Variants in RBBP4 observed in about 807,000 individuals in gnomAD.
The protein encoded by RBBP4 is RB binding protein 4, chromatin remodeling factor, also known as histone-binding protein RBBP4.
Under a neutral mutation model 57.2 loss-of-function variants are expected in RBBP4, and 3 were observed. The ratio of observed to expected loss-of-function variants is 0.05; its 90% CI spans 0.02 to 0.14. The LOEUF (loss-of-function observed/expected upper bound fraction) is 0.14, where lower values mean the gene tolerates loss of function less well. Among genes scored for constraint, RBBP4 ranks in the 10% least tolerant of loss-of-function variants. RBBP4 has a pLI of 1.00. For synonymous variants in RBBP4, 151 were observed against 171.5 expected (o/e 0.88, Z 0.93); for missense variants, 107 against 520.6 (o/e 0.21, Z 7.73).
chr1:32,669,671 A>G lies in RBBP4; in HGVS notation c.966+108A>G, dbSNP rs745583595. On this transcript the variant is annotated intron_variant, in intron 8 of 11. Coordinates refer to ENST00000373493, the MANE Select transcript of RBBP4 (RefSeq NM_005610.3). The surrounding 1 kb of genome is among the most constrained non-coding windows in gnomAD (Gnocchi z 4.9). The stretch of plus-strand genomic sequence containing the variant: ...TTTGGGAGGCTGAAGCGGGCGGATC[A>G]CAAGGTCAGGAGATCGAGACCATCC... 1 of 1,438,094 alleles carries G rather than the reference A, an allele frequency of 7.0e-7. No individual in the cohort carries two copies. The highest frequency in any genetic ancestry group is 2.7e-5 in the Admixed American group (1 of 37,140). 89.1% of individuals were successfully genotyped at this position (1,438,094 alleles called of 1,614,324 possible).
At chr1:32,658,946 CAT>C (rs58798267) in intron 3 of RBBP4, among the ~76,000 whole-genome samples, 128,062 of 148,438 alleles carry the variant, frequency 0.86, 56,706 homozygotes, top group Non-Finnish European at 0.96. Flanking sequence ...TATATATAAA[CAT>C]ACGTATATAT....
intron 11 of RBBP4, among the ~76,000 whole-genome samples, chr1:32,673,249 T>C (rs1570866188): frequency 6.6e-6 from 1 of 152,192 alleles, no homozygotes; most frequent in Non-Finnish European, 1.5e-5. Flanking sequence ...TCTAGTTCAC[T>C]TCCAGATTTC....
In RBBP4 at chr1:32,654,887, G is replaced by C. The variant is rs185093334; in HGVS notation, c.165-2540G>C. On this transcript the variant is annotated intron_variant, in intron 2 of 11. Transcript: ENST00000373493. Reference sequence around the variant, plus strand: ...TTTTTGTATTTTTAGTAGAGATGGGGTTTCACCATGTTGTCCAGGCTGGTC... The same window carrying C: ...TTTTTGTATTTTTAGTAGAGATGGGCTTTCACCATGTTGTCCAGGCTGGTC... 2.5e-3 allele frequency among the ~76,000 whole-genome samples: 384 copies of C among 152,216 alleles called. 2 individuals carry two copies. The Middle Eastern group carries it at 0.027, about 11-fold the overall frequency.
chr1:32,668,073 G>T, intron 3 of RBBP4, 152 bp from the exon 4 acceptor site: 2 of 651,194 alleles, frequency 3.1e-6, no homozygotes, highest in South Asian at 5.1e-5. Context: ...GGGTAGGAAA[G>T]CACTTTATAG....
chr1:32,651,703 T>C, intron 1 of RBBP4: 1 of 777,384 alleles, frequency 1.3e-6, no homozygotes, highest in Non-Finnish European at 2.0e-6. Context: ...GCTGGCCCCT[T>C]GGCCTGGAAC....
chr1:32,670,500 T>C (rs1272370648), intron 8 of RBBP4, among the ~76,000 whole-genome samples: 2 of 152,216 alleles, frequency 1.3e-5, no homozygotes, highest in East Asian at 3.8e-4. Context: ...GTTCAAAGCT[T>C]GTTGCTACGG....
chr1:32,673,967 G>A (rs1376235382), intron 11 of RBBP4, among the ~76,000 whole-genome samples: 1 of 152,032 alleles, frequency 6.6e-6, no homozygotes, highest in East Asian at 2.0e-4. Flanking sequence ...CGGGCGTGGT[G>A]GCGGGCGCCT....
At chr1:32,654,780 G>A (rs554474987) in intron 2 of RBBP4, among the ~76,000 whole-genome samples, 1 of 152,144 alleles carries the variant, frequency 6.6e-6, no homozygotes, top group Non-Finnish European at 1.5e-5. Flanking sequence ...TGCAACCTCC[G>A]CCTCCTGGGT....
chr1:32,661,051 C>G (rs932054006), intron 3 of RBBP4, among the ~76,000 whole-genome samples: 21 of 152,152 alleles, frequency 1.4e-4, no homozygotes, highest in African/African-American at 4.8e-4. Context: ...TGGGCTCTTG[C>G]AATTCACCCA....
chr1:32,652,648 C>G (rs1647882158), intron 2 of RBBP4: 1 of 152,400 alleles, frequency 6.6e-6, no homozygotes, highest in Non-Finnish European at 1.5e-5. Flanking sequence ...TCGAGCGATT[C>G]TCCTGCCTAA....
rs570713496 is a variant in RBBP4, at chr1:32,651,409, C to G, written c.16+87C>G. 4.1e-5 allele frequency: 56 copies of G among 1,382,550 alleles called. No homozygotes were observed. The South Asian group carries it at 6.6e-4, about 16-fold the overall frequency. 85.6% of individuals were successfully genotyped at this position (1,382,550 alleles called of 1,614,324 possible). ...CATGGCCTAACAGTGAGGGCAGGCCCGAGTTTGCCGAGTGCAGTCCCCGGT... is the reference window on the plus strand; with the variant it reads ...CATGGCCTAACAGTGAGGGCAGGCCGGAGTTTGCCGAGTGCAGTCCCCGGT... On this transcript the variant is annotated intron_variant, in intron 1 of 11. Transcript: ENST00000373493.
chr1:32,672,992 C>T, intron 11 of RBBP4, 91 bp downstream of exon 11: 1 of 1,062,062 alleles, frequency 9.4e-7, no homozygotes, highest in South Asian at 1.5e-5. Context: ...CAGCTACCAT[C>T]TCTGTTCATT....
At chr1:32,659,110 A>G (rs1417173946) in intron 3 of RBBP4, among the ~76,000 whole-genome samples, 1 of 147,580 alleles carries the variant, frequency 6.8e-6, no homozygotes, top group East Asian at 2.0e-4. Context: ...TGTGTGTAAT[A>G]TATATAATTT....
At chr1:32,677,643 C>G (rs1015979593) in intron 11 of RBBP4, among the ~76,000 whole-genome samples, 3 of 152,064 alleles carry the variant, frequency 2.0e-5, no homozygotes, top group East Asian at 3.9e-4. Flanking sequence ...CAGGGAATTG[C>G]AACTGGCTTC....
intron 11 of RBBP4, among the ~76,000 whole-genome samples, chr1:32,677,646 C>G (rs961732832): frequency 6.6e-6 from 1 of 152,106 alleles, no homozygotes; most frequent in Non-Finnish European, 1.5e-5. Context: ...GGAATTGCAA[C>G]TGGCTTCTGA....
intron 2 of RBBP4, among the ~76,000 whole-genome samples, chr1:32,656,833 C>T (rs534997972): frequency 8.0e-4 from 121 of 152,180 alleles, no homozygotes; most frequent in Non-Finnish European, 1.5e-3. Flanking sequence ...CCCCTTCTTT[C>T]CTTTTTAATG....
At position 32,684,211 on chromosome 1, in the gene RBBP4, C is replaced by T. The variant is rs750129550; in HGVS notation, c.*4506C>T. On this transcript the variant is annotated 3_prime_UTR_variant, in exon 12 of 12. Transcript: ENST00000373493. The stretch of plus-strand genomic sequence containing the variant: ...AATTTTCCCTAAGCCCTCCCACCAT[C>T]CCCTCAGCCAGTATTAGATGAGATT... The T allele has an allele frequency of 1.2e-6, 2 of 1,609,450 alleles. No individual in the cohort carries two copies. The highest frequency in any genetic ancestry group is 1.1e-5 in the South Asian group (1 of 90,888).
chr1:32,660,422 A>ATT (rs1557853379), intron 3 of RBBP4, among the ~76,000 whole-genome samples: 2 of 37,752 alleles, frequency 5.3e-5, no homozygotes, highest in Admixed American at 2.5e-4. Flanking sequence ...TATTTTATTT[A>ATT]TTTATTTTTT....
intron 1 of RBBP4, 189 bp from the exon 2 acceptor site, chr1:32,651,725 T>C (rs918858915): frequency 1.5e-5 from 12 of 787,030 alleles, no homozygotes; most frequent in Non-Finnish European, 2.3e-5. Flanking sequence ...GGTAACGGAG[T>C]GTTTGGCGGG....
Sources: allele counts gnomAD v4.1 joint callset (sites outside exome capture counted in the v4.1 genomes callset), GRCh38; gene constraint gnomAD v4.1.1; non-coding constraint Gnocchi (gnomAD v3.1); transcripts MANE v1.5; gene names NCBI Gene and HGNC (gene_info 2026-07-23, HGNC 2026-07-21).